Variants in PDE4D observed in about 807,000 individuals in gnomAD.
The protein encoded by PDE4D is 3',5'-cyclic-AMP phosphodiesterase 4D.
In PDE4D, 24 loss-of-function variants were observed where a neutral mutation model predicts 87.4. The observed-to-expected ratio is 0.27, with a 90% confidence interval of 0.20 to 0.39. The LOEUF (loss-of-function observed/expected upper bound fraction) is 0.39. PDE4D is among the 10% of genes least tolerant of loss of function. PDE4D has a pLI of 1.00. For synonymous variants in PDE4D, 384 were observed against 383.2 expected, an observed-to-expected ratio of 1.00 and a Z score of -0.02; for missense variants, 714 against 1,041.0, an observed-to-expected ratio of 0.69 and a Z score of 4.32.
At chr5:59,803,179 T>A (rs1767340582) in intron 1 of PDE4D, among the ~76,000 whole-genome samples, 1 of 152,072 alleles carries the variant, frequency 6.6e-6, no homozygotes. Context: ...TCTAAGGCAG[T>A]GGTTCTCAGA....
Position 60,495,945 on chromosome 5 carries a change from T to A in PDE4D, n.70+26106A>T, listed in dbSNP as rs181408346. Among the ~76,000 whole-genome samples, 15 of 152,334 alleles carry A rather than the reference T, an allele frequency of 9.8e-5. No homozygotes were observed. In the East Asian group the frequency reaches 2.3e-3, roughly 23 times the overall value. ...GACATGGAAAGCAAAACAGGGCTATTTGTTTTGTTGTGCAAAGCAGGCCCC... is the reference window on the plus strand; with the variant it reads ...GACATGGAAAGCAAAACAGGGCTATATGTTTTGTTGTGCAAAGCAGGCCCC... On this transcript the variant is annotated intron_variant and non_coding_transcript_variant, in intron 1 of 2. Coordinates refer to the PDE4D transcript ENST00000506510.
intron 1 of PDE4D, among the ~76,000 whole-genome samples, chr5:59,239,177 T>A (rs1757127562): frequency 6.6e-6 from 1 of 152,246 alleles, no homozygotes; most frequent in Non-Finnish European, 1.5e-5. Context: ...TGTACTGCTG[T>A]CTGTTGATAG....
intron 2 of PDE4D, chr5:60,185,495 C>A (rs1784707392): frequency 6.0e-6 from 7 of 1,166,916 alleles, no homozygotes; most frequent in Non-Finnish European, 7.3e-6. Context: ...AAATCCAAAA[C>A]CAAAACTAAA....
intron 6 of PDE4D, among the ~76,000 whole-genome samples, chr5:59,000,327 C>T (rs1164524438): frequency 1.3e-5 from 2 of 152,216 alleles, no homozygotes; most frequent in Non-Finnish European, 2.9e-5. Context: ...GGCAATCGAG[C>T]ATTTTAATTG....
At chr5:59,775,082 A>T (rs1403825965) in intron 1 of PDE4D, among the ~76,000 whole-genome samples, 1 of 152,148 alleles carries the variant, frequency 6.6e-6, no homozygotes, top group Non-Finnish European at 1.5e-5. Context: ...CTTTCCTCCT[A>T]ATATAGTCAT....
At chr5:59,904,274 C>T (rs563125714) in intron 3 of PDE4D, among the ~76,000 whole-genome samples, 8 of 152,060 alleles carry the variant, frequency 5.3e-5, no homozygotes, top group African/African-American at 9.6e-5. Context: ...TCTTTCTCCC[C>T]GACTCCTCTG....
At chr5:60,498,632 G>C (rs1358382511) in intron 1 of PDE4D, among the ~76,000 whole-genome samples, 1 of 152,220 alleles carries the variant, frequency 6.6e-6, no homozygotes. Flanking sequence ...GTACTCAAGA[G>C]AGTATGATCA....
intron 1 of PDE4D, among the ~76,000 whole-genome samples, chr5:59,864,204 G>C (rs1746691440): frequency 6.6e-6 from 1 of 152,128 alleles, no homozygotes; most frequent in African/African-American, 2.4e-5. Context: ...GAGTCCAGGG[G>C]ATGCTGAGCA....
At chr5:60,284,895 T>C (rs1752271780) in intron 1 of PDE4D, among the ~76,000 whole-genome samples, 2 of 146,516 alleles carry the variant, frequency 1.4e-5, no homozygotes, top group African/African-American at 5.4e-5. Flanking sequence ...GCTACTCTTT[T>C]GATGTAGAGC....
chr5:60,213,193 A>G (rs1245785825), intron 1 of PDE4D, among the ~76,000 whole-genome samples: 3 of 152,320 alleles, frequency 2.0e-5, no homozygotes, highest in Admixed American at 6.5e-5. Context: ...TTTCAAATAC[A>G]TATTAGATTC....
Position 59,893,425 on chromosome 5 carries a change from C to T in PDE4D, c.198G>A (p.Gln66=). 6.7e-7 allele frequency: 1 copy of T among 1,494,228 alleles called. No homozygotes were observed. 92.6% of individuals were successfully genotyped at this position (1,494,228 alleles called of 1,614,324 possible). Residue 66 remains glutamine (Q), a synonymous_variant, in exon 1 of 15, where the codon CAG becomes CAA. Transcript: ENST00000340635. The part of the protein sequence containing the change: ...HLPPPPPPSP[Q]PQPQCPLQPP... ...GCTGTAGCGGACACTGGGGCTGGGGCTGGGGCGAGGGTGGCGGCGGCGGGG... is the reference window on the plus strand; with the variant it reads ...GCTGTAGCGGACACTGGGGCTGGGGTTGGGGCGAGGGTGGCGGCGGCGGGG...
chr5:59,881,718 G>C (rs979760225), intron 1 of PDE4D, among the ~76,000 whole-genome samples: 2 of 152,102 alleles, frequency 1.3e-5, no homozygotes, highest in African/African-American at 2.4e-5. Context: ...AAAATTGACA[G>C]AGTCATTATT....
At chr5:59,002,135 C>T in intron 6 of PDE4D, 2 of 472,584 alleles carry the variant, frequency 4.2e-6, no homozygotes, top group Admixed American at 2.2e-5. Context: ...TTAATATCAC[C>T]CCCTCTAACT....
At chr5:59,509,783 A>T (rs1352615579) in intron 1 of PDE4D, among the ~76,000 whole-genome samples, 1 of 149,532 alleles carries the variant, frequency 6.7e-6, no homozygotes, top group African/African-American at 2.4e-5. Flanking sequence ...ATTAGAAAGC[A>T]GGATAAATAG....
At chr5:59,500,467 A>G (rs1377280617) in intron 1 of PDE4D, among the ~76,000 whole-genome samples, 1 of 152,208 alleles carries the variant, frequency 6.6e-6, no homozygotes, top group African/African-American at 2.4e-5. Context: ...CATGGATGGA[A>G]CTGGAGGCCA....
At chr5:60,170,327 G>A (rs1783302043) in intron 2 of PDE4D, among the ~76,000 whole-genome samples, 1 of 151,886 alleles carries the variant, frequency 6.6e-6, no homozygotes, top group South Asian at 2.1e-4. Context: ...GCTAGCAACT[G>A]ATAGGCTAGC....
At chr5:59,008,543 A>G (rs1238425787) in intron 6 of PDE4D, among the ~76,000 whole-genome samples, 2 of 152,052 alleles carry the variant, frequency 1.3e-5, no homozygotes, top group African/African-American at 4.8e-5. Flanking sequence ...CCACTCATAA[A>G]ACAAGAAACT....
chr5:59,746,650 C>T (rs61048850), intron 1 of PDE4D, among the ~76,000 whole-genome samples: 4,658 of 152,112 alleles, frequency 0.031, 231 homozygotes, highest in African/African-American at 0.1. Flanking sequence ...AACTCGCCAG[C>T]GTGACTCCTA....
At chr5:60,275,591 GT>G (rs75942936) in intron 1 of PDE4D, among the ~76,000 whole-genome samples, 66 of 145,016 alleles carry the variant, frequency 4.6e-4, no homozygotes, top group East Asian at 1.4e-3. Flanking sequence ...TTGAACTCAT[GT>G]TTTTTTTTTT....
Sources: gnomAD v4.1 joint callset for allele counts (sites outside exome capture counted in the v4.1 genomes callset) on GRCh38, gnomAD v4.1.1 for gene constraint, MANE v1.5 for transcripts, NCBI Gene and HGNC (gene_info 2026-07-23, HGNC 2026-07-21) for gene names.